Variants in WWOX observed in about 807,000 individuals in gnomAD.
WWOX encodes the protein WW domain containing oxidoreductase, also known as WW domain-containing oxidoreductase.
In WWOX, 69 loss-of-function variants were observed where a neutral mutation model predicts 46.2. That is an observed-to-expected ratio of 1.49 (90% CI 1.23 to 1.82). The LOEUF is 1.82. WWOX is among the 40% of genes most tolerant of loss of function. The pLI, the probability that WWOX is intolerant of heterozygous loss-of-function variation, is 0.00. For missense variants in WWOX, 919 were observed against 542.6 expected, an observed-to-expected ratio of 1.69 and a Z score of -6.89; for synonymous variants, 359 against 202.6, an observed-to-expected ratio of 1.77 and a Z score of -6.56.
At chr16:78,687,533 A>G (rs920256700) in intron 8 of WWOX, among the ~76,000 whole-genome samples, 1 of 152,136 alleles carries the variant, frequency 6.6e-6, no homozygotes, top group African/African-American at 2.4e-5. Flanking sequence ...TTGCCATTCT[A>G]TGTTTTATCG....
chr16:78,972,536 G>A (rs1404711351), intron 8 of WWOX, among the ~76,000 whole-genome samples: 1 of 151,788 alleles, frequency 6.6e-6, no homozygotes, highest in East Asian at 1.9e-4. Flanking sequence ...TCTGGGGGAG[G>A]GAGGGTGAAG....
At chr16:78,201,919 A>C (rs2036243296) in intron 5 of WWOX, among the ~76,000 whole-genome samples, 1 of 151,906 alleles carries the variant, frequency 6.6e-6, no homozygotes. Flanking sequence ...CAGGCTGGTC[A>C]CGAACTCCTA....
At chr16:79,054,759 G>A (rs2048231674) in intron 8 of WWOX, among the ~76,000 whole-genome samples, 1 of 152,186 alleles carries the variant, frequency 6.6e-6, no homozygotes, top group Non-Finnish European at 1.5e-5. Context: ...CCAGGAGGTG[G>A]AGGCTGCTGT....
intron 8 of WWOX, among the ~76,000 whole-genome samples, chr16:78,732,332 G>A (rs1221826297): frequency 6.6e-6 from 1 of 152,116 alleles, no homozygotes; most frequent in Non-Finnish European, 1.5e-5. Flanking sequence ...ATGCCATGAG[G>A]AAACTCAATC....
At chr16:78,820,139 C>A (rs1031335154) in intron 8 of WWOX, among the ~76,000 whole-genome samples, 5 of 152,102 alleles carry the variant, frequency 3.3e-5, no homozygotes, top group African/African-American at 1.2e-4. Flanking sequence ...TCTCAGGATG[C>A]ACAATGACCC....
chr16:78,753,829 T>A (rs367715939), intron 8 of WWOX, among the ~76,000 whole-genome samples: 1,031 of 71,534 alleles, frequency 0.014, 41 homozygotes, highest in African/African-American at 0.065. Context: ...AAAAAAAATA[T>A]ATATATATAT....
intron 5 of WWOX, among the ~76,000 whole-genome samples, chr16:78,371,530 T>A (rs1833052527): frequency 1.4e-5 from 2 of 139,564 alleles, no homozygotes; most frequent in South Asian, 4.5e-4. Context: ...ATTTTGTCTT[T>A]TACTTATTTC....
chr16:79,172,941 AGCCTGGGAC>A, intron 8 of WWOX, among the ~76,000 whole-genome samples: 2 of 152,082 alleles, frequency 1.3e-5, no homozygotes, highest in Admixed American at 6.5e-5. Context: ...AGATTGCTTG[AGCCTGGGAC>A]GTCAAGGCTG....
chr16:78,727,572 G>A (rs1037375051), intron 8 of WWOX, among the ~76,000 whole-genome samples: 5 of 152,186 alleles, frequency 3.3e-5, no homozygotes, highest in East Asian at 1.9e-4. Flanking sequence ...GTTCCAGTCC[G>A]TGGGGGCCCT....
At chr16:78,577,081 G>A (rs1387127782) in intron 8 of WWOX, among the ~76,000 whole-genome samples, 3 of 152,174 alleles carry the variant, frequency 2.0e-5, no homozygotes, top group Non-Finnish European at 4.4e-5. Flanking sequence ...TGAAAGTTGA[G>A]TCATGAATTG....
intron 5 of WWOX, among the ~76,000 whole-genome samples, chr16:78,364,994 A>G (rs2151916254): frequency 6.6e-6 from 1 of 152,140 alleles, no homozygotes; most frequent in South Asian, 2.1e-4. Flanking sequence ...AAGTCATAGT[A>G]TTTTCTGTGT....
chr16:79,191,504 T>C (rs1013908043), intron 8 of WWOX, among the ~76,000 whole-genome samples: 1 of 152,242 alleles, frequency 6.6e-6, no homozygotes, highest in African/African-American at 2.4e-5. Context: ...GAATGGGCTG[T>C]CCTCTCCTGC....
intron 8 of WWOX, among the ~76,000 whole-genome samples, chr16:79,129,693 G>A (rs2049835802): frequency 1.3e-5 from 2 of 152,004 alleles, no homozygotes; most frequent in African/African-American, 2.4e-5. Context: ...TTCCATGCCT[G>A]GCACTGTGCC....
intron 2 of WWOX, among the ~76,000 whole-genome samples, chr16:78,108,758 C>T (rs990889127): frequency 6.6e-6 from 1 of 152,140 alleles, no homozygotes; most frequent in Non-Finnish European, 1.5e-5. Flanking sequence ...GAGGCCGAGG[C>T]GGATGGATCA....
chr16:78,185,984 C>A (rs547489234), intron 5 of WWOX, among the ~76,000 whole-genome samples: 152 of 152,198 alleles, frequency 1.0e-3, no homozygotes, highest in African/African-American at 3.5e-3. Flanking sequence ...ACTTTAACAG[C>A]AACTTAAAGG....
intron 6 of WWOX, among the ~76,000 whole-genome samples, chr16:78,423,205 T>C (rs971378054): frequency 6.6e-6 from 1 of 152,174 alleles, no homozygotes; most frequent in Admixed American, 6.5e-5. Context: ...ATATCTTCCA[T>C]AACCTTTCTA....
chr16:78,332,747 C>G (rs2080791039), intron 5 of WWOX, among the ~76,000 whole-genome samples: 1 of 152,028 alleles, frequency 6.6e-6, no homozygotes, highest in Non-Finnish European at 1.5e-5. Context: ...ACTGAGTGTG[C>G]CTTTTGCTCT....
At chr16:78,754,656 A>G (rs1404974232) in intron 8 of WWOX, among the ~76,000 whole-genome samples, 1 of 152,246 alleles carries the variant, frequency 6.6e-6, no homozygotes, top group Admixed American at 6.5e-5. Context: ...TTTAATTAGC[A>G]AGTACAGCCT....
chr16:78,416,984 C>CTTA (rs1373582962), intron 6 of WWOX, among the ~76,000 whole-genome samples: 3 of 151,628 alleles, frequency 2.0e-5, no homozygotes, highest in Admixed American at 6.6e-5. Flanking sequence ...TTTCAGGGAG[C>CTTA]TTATGTAAGA....
Sources: allele counts gnomAD v4.1 joint callset (sites outside exome capture counted in the v4.1 genomes callset), GRCh38; gene constraint gnomAD v4.1.1; transcripts MANE v1.5; gene names NCBI Gene and HGNC (gene_info 2026-07-23, HGNC 2026-07-21).